LEPR: variants seen among roughly 807,000 people sequenced by gnomAD.
LEPR encodes leptin receptor.
In LEPR, 56 loss-of-function variants were observed where a neutral mutation model predicts 114.7. The observed-to-expected ratio is 0.49, with a 90% CI of 0.39 to 0.61. The LOEUF is 0.61. LEPR is among the 20% of genes least tolerant of loss of function. The pLI is 0.00. For missense variants in LEPR, 1,202 were observed against 1,352.9 expected (o/e 0.89, Z 1.75); for synonymous variants, 443 against 461.4 (o/e 0.96, Z 0.51).
chr1:65,610,741 G>A (rs986625187), intron 14 of LEPR, among the ~76,000 whole-genome samples: 1 of 152,162 alleles, frequency 6.6e-6, no homozygotes, highest in African/African-American at 2.4e-5. Flanking sequence ...AAAAACAGTG[G>A]ATAGTCCCAT....
intron 2 of LEPR, among the ~76,000 whole-genome samples, chr1:65,472,882 A>G (rs1161351507): frequency 6.6e-6 from 1 of 152,222 alleles, no homozygotes; most frequent in Non-Finnish European, 1.5e-5. Flanking sequence ...GTTCTTATAC[A>G]GAATCTCATC....
At chr1:65,505,011 A>G (rs1279569472) in intron 2 of LEPR, among the ~76,000 whole-genome samples, 1 of 152,192 alleles carries the variant, frequency 6.6e-6, no homozygotes, top group African/African-American at 2.4e-5. Flanking sequence ...AAACATCTCA[A>G]GTGCTGTCAA....
At chr1:65,422,389 TCCCTACAG>T (rs1646268638) in intron 1 of LEPR, among the ~76,000 whole-genome samples, 1 of 152,076 alleles carries the variant, frequency 6.6e-6, no homozygotes, top group Admixed American at 6.5e-5. Context: ...GAAGGGTGCT[TCCCTACAG>T]CCTTCAGAGG....
At chr1:65,598,521 G>A (rs1314347648) in intron 7 of LEPR, 139 bp from the exon 8 acceptor site, 75 of 1,278,920 alleles carry the variant, frequency 5.9e-5, no homozygotes, top group Non-Finnish European at 6.9e-5. Context: ...ATTGATGTTT[G>A]TTTTAATTCC....
At chr1:65,564,279 G>A (rs1399527058) in intron 2 of LEPR, among the ~76,000 whole-genome samples, 1 of 148,996 alleles carries the variant, frequency 6.7e-6, no homozygotes, top group Non-Finnish European at 1.5e-5. Flanking sequence ...AAGTCAGTCA[G>A]AAAAGCGCAG....
rs1654241307 is a variant in LEPR at position 65,572,287 on chromosome 1, GTTGTTTTTTTT to G, written c.371-36_371-26del. ...CAGATGGTTTTTGAGATTTCATGTA[GTTGTTTTTTTT>G]TTTTTTTTTTTTTTTTTTTAAATTC... On this transcript the variant is annotated intron_variant, in intron 4 of 19. Coordinates refer to ENST00000349533, the MANE Select transcript of LEPR (RefSeq NM_002303.6). 2 of 975,332 alleles carry G rather than the reference GTTGTTTTTTTT, an allele frequency of 2.1e-6. 1 individual carries two copies. Among genetic ancestry groups the G allele is most frequent in the African/African-American group, 5.3e-5 (2 of 37,892 alleles). 60.4% of individuals were successfully genotyped at this position (975,332 alleles called of 1,614,324 possible). A position where few individuals can be genotyped will look rare whatever the true frequency, so the allele number is the denominator to read the frequency against.
intron 19 of LEPR, chr1:65,635,000 C>G (rs1431068870): frequency 1.2e-6 from 1 of 823,952 alleles, no homozygotes; most frequent in Admixed American, 6.3e-5. Flanking sequence ...TAAGTCTATT[C>G]CATTATTATA....
At chr1:65,516,966 A>G (rs1649318262) in intron 2 of LEPR, among the ~76,000 whole-genome samples, 2 of 152,234 alleles carry the variant, frequency 1.3e-5, no homozygotes, top group African/African-American at 4.8e-5. Context: ...CGCAAAAGAA[A>G]GACAAAGCTT....
chr1:65,578,777 G>T (rs1281787125), intron 5 of LEPR, among the ~76,000 whole-genome samples: 1 of 152,120 alleles, frequency 6.6e-6, no homozygotes, highest in Non-Finnish European at 1.5e-5. Flanking sequence ...GAAGAAATTA[G>T]TTAATATATA....
chr1:65,605,994 A>G (rs1164128910), intron 11 of LEPR, among the ~76,000 whole-genome samples: 1 of 152,152 alleles, frequency 6.6e-6, no homozygotes, highest in Non-Finnish European at 1.5e-5. Context: ...CTCAAATAAA[A>G]TATTCCTCAG....
intron 2 of LEPR, among the ~76,000 whole-genome samples, chr1:65,518,859 C>CTTTA (rs147888777): frequency 7.0e-6 from 1 of 141,858 alleles, no homozygotes; most frequent in Non-Finnish European, 1.5e-5. Context: ...TTTCTCTTTT[C>CTTTA]TTTCTTTCTT....
At chr1:65,420,806 G>C in intron 1 of LEPR, 66 bp downstream of exon 1, 1 of 1,537,110 alleles carries the variant, frequency 6.5e-7, no homozygotes, top group South Asian at 1.2e-5. Context: ...GGTCAAGCCT[G>C]GGGCTGCGCC....
At chr1:65,515,071 C>T (rs188983747) in intron 2 of LEPR, among the ~76,000 whole-genome samples, 7 of 152,204 alleles carry the variant, frequency 4.6e-5, no homozygotes, top group African/African-American at 7.2e-5. Context: ...TGGATCTTGA[C>T]GTATTGGCCA....
chr1:65,598,510 T>C (rs1656232755), intron 7 of LEPR, 150 bp from the exon 8 acceptor site: 2 of 1,179,008 alleles, frequency 1.7e-6, no homozygotes, highest in South Asian at 1.6e-5. Context: ...TTTTTTTGGT[T>C]ATTGATGTTT....
intron 2 of LEPR, among the ~76,000 whole-genome samples, chr1:65,550,277 T>C (rs1652197858): frequency 1.3e-5 from 2 of 152,218 alleles, no homozygotes; most frequent in African/African-American, 4.8e-5. Flanking sequence ...AGGGACCCAC[T>C]TGAGGAGGCA....
intron 2 of LEPR, among the ~76,000 whole-genome samples, chr1:65,500,750 T>G (rs1157176769): frequency 6.6e-6 from 1 of 152,156 alleles, no homozygotes; most frequent in African/African-American, 2.4e-5. Flanking sequence ...AATTAAGTGC[T>G]TGGGGAGTCA....
chr1:65,433,425 C>G lies in LEPR; in HGVS notation c.-21+8047C>G, dbSNP rs370553100. 8 of 985,170 alleles carry G rather than the reference C, an allele frequency of 8.1e-6. No homozygotes were observed. In the African/African-American group the frequency reaches 1.4e-4, roughly 17 times the overall value. 61.0% of individuals were successfully genotyped at this position (985,170 alleles called of 1,614,324 possible). ...CCCTGCTCACCTTTTTGTCTAAGAT[C>G]TATTGAGAAAGGGAAATATGGGAAG... On this transcript the variant is annotated intron_variant, in intron 2 of 19. Coordinates refer to ENST00000349533, the MANE Select transcript of LEPR (RefSeq NM_002303.6).
chr1:65,512,678 A>G (rs994681884), intron 2 of LEPR, among the ~76,000 whole-genome samples: 4 of 152,162 alleles, frequency 2.6e-5, no homozygotes, highest in African/African-American at 4.8e-5. Flanking sequence ...AATTCAACAA[A>G]TGACCAAATA....
At chr1:65,544,895 T>C (rs1334306437) in intron 2 of LEPR, among the ~76,000 whole-genome samples, 4 of 150,682 alleles carry the variant, frequency 2.7e-5, no homozygotes, top group South Asian at 2.1e-4. Flanking sequence ...CATGCTGGTG[T>C]GCTGCACCCA....
Sources: gnomAD v4.1 joint callset for allele counts (sites outside exome capture counted in the v4.1 genomes callset) on GRCh38, gnomAD v4.1.1 for gene constraint, MANE v1.5 for transcripts, NCBI Gene and HGNC (gene_info 2026-07-23, HGNC 2026-07-21) for gene names.